PPEF1: variants seen among roughly 807,000 people sequenced by gnomAD.
PPEF1 encodes protein phosphatase with EF-hand domain 1.
Under a neutral mutation model 53.3 loss-of-function variants are expected in PPEF1, and 12 were observed. That is an observed-to-expected ratio of 0.23 (90% confidence interval 0.14 to 0.36). The LOEUF (loss-of-function observed/expected upper bound fraction) is 0.36. Among genes scored for constraint, PPEF1 ranks in the 10% least tolerant of loss-of-function variants. The pLI is 1.00. For synonymous variants in PPEF1, 165 were observed against 176.7 expected (o/e 0.93, Z 0.52); for missense variants, 334 against 490.4 (o/e 0.68, Z 3.01).
At chrX:18,708,721 T>C (rs936252422) in intron 1 of PPEF1, among the ~76,000 whole-genome samples, 6 of 111,810 alleles carry the variant, frequency 5.4e-5, no homozygotes, top group African/African-American at 1.9e-4. Flanking sequence ...GTTATTCTCC[T>C]ACCCAGCTGA....
At chrX:18,757,316 T>C (rs545787513) in intron 4 of PPEF1, among the ~76,000 whole-genome samples, 2 of 110,980 alleles carry the variant, frequency 1.8e-5, no homozygotes, top group African/African-American at 6.5e-5. Flanking sequence ...CTCCTTTTTC[T>C]TTTTCTCTTT....
chrX:18,760,990 A>G (rs753943988), intron 5 of PPEF1, among the ~76,000 whole-genome samples: 1 of 110,128 alleles, frequency 9.1e-6, no homozygotes, highest in East Asian at 2.8e-4. Context: ...CGTGTTGACC[A>G]GGCTGGTCTT....
intron 10 of PPEF1, among the ~76,000 whole-genome samples, chrX:18,796,895 T>C (rs1416866121): frequency 8.9e-6 from 1 of 111,833 alleles, no homozygotes; most frequent in Non-Finnish European, 1.9e-5. Flanking sequence ...ATAAAGAAGA[T>C]AATGTTAAAG....
intron 3 of PPEF1, 32 bp downstream of exon 3, chrX:18,733,840 T>C (rs772569040): frequency 1.9e-5 from 20 of 1,066,445 alleles, no homozygotes; most frequent in Non-Finnish European, 2.4e-5. Context: ...TTCAAATGTG[T>C]CATTAAATAT....
chrX:18,687,555 C>T (rs1929141098), intron 3 of PPEF1, among the ~76,000 whole-genome samples: 1 of 112,028 alleles, frequency 8.9e-6, no homozygotes, highest in African/African-American at 3.2e-5. Context: ...GGCCAGACCA[C>T]ATTTCTTCTC....
chrX:18,718,539 A>G (rs1042106376), intron 1 of PPEF1, among the ~76,000 whole-genome samples: 2 of 111,713 alleles, frequency 1.8e-5, no homozygotes, highest in African/African-American at 6.5e-5. Context: ...GCAGTGAACC[A>G]TGATCGTACC....
At chrX:18,768,119 G>A (rs759090593) in intron 6 of PPEF1, among the ~76,000 whole-genome samples, 57 of 112,117 alleles carry the variant, frequency 5.1e-4, no homozygotes, top group Non-Finnish European at 9.6e-4. Flanking sequence ...TTGTTTAGAA[G>A]TAGTTAGTGG....
intron 1 of PPEF1, among the ~76,000 whole-genome samples, chrX:18,715,771 G>T (rs1428561306): frequency 2.7e-5 from 3 of 111,644 alleles, no homozygotes; most frequent in Non-Finnish European, 5.6e-5. Flanking sequence ...ATTGGAACCA[G>T]ATCTGGCAGA....
At chrX:18,825,645 C>A in intron 14 of PPEF1, 106 bp from the exon 15 acceptor site, 1 of 467,337 alleles carries the variant, frequency 2.1e-6, no homozygotes, top group Non-Finnish European at 3.4e-6. Context: ...CTGTCTAAAT[C>A]ACATCATTTC....
chrX:18,695,495 G>C (rs1929661996), intron 4 of PPEF1, among the ~76,000 whole-genome samples: 1 of 112,129 alleles, frequency 8.9e-6, no homozygotes, highest in African/African-American at 3.2e-5. Context: ...GGGCAGCTTA[G>C]AGTCTGTCTG....
rs189185744 is a variant in PPEF1, at chrX:18,728,187, C to T, written c.47-1994C>T. ...TCTCTCTCTGTCTCTCTCTCTCTCT[C>T]GCTCTCTCTCTCTCTCTATATATAT... is the stretch of plus-strand genomic sequence containing the variant. On this transcript the variant is annotated intron_variant, in intron 1 of 15. Coordinates refer to ENST00000470157, the MANE Select transcript of PPEF1 (RefSeq NM_001377996.1). Among the ~76,000 whole-genome samples, 37 of 109,672 alleles carry T rather than the reference C, an allele frequency of 3.4e-4. No homozygotes were observed. In the East Asian group the frequency reaches 9.4e-3, roughly 28 times the overall value.
intron 6 of PPEF1, among the ~76,000 whole-genome samples, chrX:18,763,613 A>AT (rs956705869): frequency 9.2e-6 from 1 of 108,196 alleles, no homozygotes. Flanking sequence ...ATGAACTGCA[A>AT]TTTTTTTTTT....
chrX:18,773,856 T>C (rs1181051303), intron 6 of PPEF1, among the ~76,000 whole-genome samples: 1 of 111,441 alleles, frequency 9.0e-6, no homozygotes, highest in East Asian at 2.8e-4. Flanking sequence ...ATTTTTCTCT[T>C]CTCACCTCCC....
At chrX:18,684,362 A>G (rs1461070806) in intron 1 of PPEF1, among the ~76,000 whole-genome samples, 1 of 111,354 alleles carries the variant, frequency 9.0e-6, no homozygotes, top group African/African-American at 3.3e-5. Flanking sequence ...CTTAAAGAAG[A>G]AACTTGACAA....
At chrX:18,721,499 A>G (rs981593685) in intron 1 of PPEF1, among the ~76,000 whole-genome samples, 4 of 111,425 alleles carry the variant, frequency 3.6e-5, no homozygotes, top group African/African-American at 1.3e-4. Context: ...CAGCAATGGC[A>G]CTAAAAACAA....
chrX:18,764,071 G>C (rs1161610416), intron 6 of PPEF1, among the ~76,000 whole-genome samples: 1 of 111,751 alleles, frequency 8.9e-6, no homozygotes, highest in African/African-American at 3.3e-5. Context: ...AATGCTGACC[G>C]ACTGTGTCAG....
intron 1 of PPEF1, among the ~76,000 whole-genome samples, chrX:18,724,078 G>A (rs141369186): frequency 0.012 from 1,348 of 111,697 alleles, 21 homozygotes; most frequent in African/African-American, 0.04. Context: ...TTGAGCCATT[G>A]CGCCTGGCCC....
At chrX:18,701,292 C>G (rs1414431530) in intron 6 of PPEF1, among the ~76,000 whole-genome samples, 1 of 112,172 alleles carries the variant, frequency 8.9e-6, no homozygotes, top group Non-Finnish European at 1.9e-5. Flanking sequence ...ATACCAGAAC[C>G]TGTAGGTACC....
chrX:18,791,105 C>T (rs1412199886), intron 10 of PPEF1, among the ~76,000 whole-genome samples: 1 of 112,143 alleles, frequency 8.9e-6, no homozygotes, highest in Non-Finnish European at 1.9e-5. Flanking sequence ...CTATGTTTAT[C>T]CTTATGTCAG....
Sources: gnomAD v4.1 joint callset for allele counts (sites outside exome capture counted in the v4.1 genomes callset) on GRCh38, gnomAD v4.1.1 for gene constraint, MANE v1.5 for transcripts, NCBI Gene and HGNC (gene_info 2026-07-23, HGNC 2026-07-21) for gene names.